NPM1: variants seen among roughly 807,000 people sequenced by gnomAD.
NPM1 encodes the protein nucleophosmin.
NPM1 carries 1 observed loss-of-function variant against 44.1 expected under a neutral mutation model. That is an observed-to-expected ratio of 0.02 (90% CI 0.01 to 0.11). The LOEUF (loss-of-function observed/expected upper bound fraction) is 0.11. Ranked by LOEUF, NPM1 falls within the 10% of genes least tolerant of loss-of-function variation. NPM1 has a pLI of 1.00. For synonymous variants in NPM1, 126 were observed against 111.8 expected (o/e 1.13, Z -0.80); for missense variants, 197 against 347.8 (o/e 0.57, Z 3.45).
chr5:171,393,084 C>T, intron 6 of NPM1, 106 bp downstream of exon 6: 2 of 1,400,632 alleles, frequency 1.4e-6, no homozygotes, highest in South Asian at 1.3e-5. Context: ...TTACAAAAAG[C>T]CATCCTATGT....
At position 171,404,233 on chromosome 5, in the gene NPM1, T is replaced by A. The variant is rs1313011611; in HGVS notation, c.670-1069T>A. ...TAGGGCGGCTGGCCGGGCGGGGGGT[T>A]GACCCCCCCCCACCTCCCTCCCGGA... On this transcript the variant is annotated intron_variant, in intron 8 of 10. Coordinates refer to ENST00000296930, the MANE Select transcript of NPM1 (RefSeq NM_002520.7). 1.9e-4 allele frequency among the ~76,000 whole-genome samples: 18 copies of A among 95,128 alleles called. 5 individuals carry two copies. The highest frequency in any genetic ancestry group is 4.3e-5 in the Non-Finnish European group (2 of 46,690). The allele number at this position is 95,128 out of a possible 152,430, so 62.4% of individuals were successfully genotyped here.
At chr5:171,408,245 A>G (rs902735534) in intron 10 of NPM1, among the ~76,000 whole-genome samples, 17 of 152,060 alleles carry the variant, frequency 1.1e-4, no homozygotes, top group African/African-American at 4.1e-4. Flanking sequence ...GGCTACTACC[A>G]GATACATAAG....
intron 8 of NPM1, among the ~76,000 whole-genome samples, chr5:171,402,952 C>CTTTTTTT (rs560900151): frequency 7.2e-4 from 66 of 91,624 alleles, no homozygotes; most frequent in East Asian, 1.5e-3. Context: ...TCAGGTAGTT[C>CTTTTTTT]TTTTTTTTTT....
intron 8 of NPM1, among the ~76,000 whole-genome samples, chr5:171,403,251 A>G (rs1247216143): frequency 3.3e-5 from 3 of 90,458 alleles, no homozygotes; most frequent in Non-Finnish European, 6.9e-5. Flanking sequence ...AACAAAGCAC[A>G]TCTTGCACCG....
intron 10 of NPM1, among the ~76,000 whole-genome samples, chr5:171,410,213 G>T (rs1487286895): frequency 9.5e-6 from 1 of 105,510 alleles, no homozygotes; most frequent in Non-Finnish European, 2.1e-5. Context: ...CTCTAAAGCT[G>T]ATCTCGGGAG....
At chr5:171,400,116 T>G in intron 6 of NPM1, 37 bp from the exon 7 acceptor site, 1 of 1,274,248 alleles carries the variant, frequency 7.8e-7, no homozygotes, top group Non-Finnish European at 1.1e-6. Context: ...ACTCCCAAAT[T>G]TTGAAAGTGC....
chr5:171,392,784 T>C lies in NPM1; in HGVS notation c.427T>C (p.Ser143Pro), dbSNP rs1177989112. ...VKLLSISGKR[S>P]APGGGSKVPQ... ...ACTCTTAAGTATATCTGGAAAGCGGTCTGCCCCTGGAGGTGGTAGCAAGGT... is the reference window on the plus strand; with the variant it reads ...ACTCTTAAGTATATCTGGAAAGCGGCCTGCCCCTGGAGGTGGTAGCAAGGT... The change falls in exon 5 of 11, where the codon TCT (serine) becomes CCT (proline). Residue 143 changes from serine (S) to proline (P), a missense_variant. By Grantham distance (74) the Ser-to-Pro change is moderately conservative. This residue lies in a region of NPM1 where 91 missense variants were observed against 94.0 expected (regional missense o/e 0.97). Transcript: ENST00000296930. 1.2e-6 allele frequency: 2 copies of C among 1,613,926 alleles called. No individual in the cohort carries two copies. Among genetic ancestry groups the C allele is most frequent in the East Asian group, 4.5e-5 (2 of 44,880 alleles).
intron 1 of NPM1, among the ~76,000 whole-genome samples, chr5:171,389,768 G>T (rs375126333): frequency 2.0e-5 from 3 of 152,184 alleles, no homozygotes; most frequent in African/African-American, 7.2e-5. Flanking sequence ...TTCAGGTTGA[G>T]ATTTACTAAA....
At chr5:171,399,686 T>TTTG (rs746337246) in intron 6 of NPM1, among the ~76,000 whole-genome samples, 153 of 152,050 alleles carry the variant, frequency 1.0e-3, no homozygotes, top group South Asian at 1.7e-3. Flanking sequence ...GTCTTTAATT[T>TTTG]TTTTTTTTAA....
At chr5:171,408,942 A>G (rs1213580160) in intron 10 of NPM1, among the ~76,000 whole-genome samples, 1 of 152,158 alleles carries the variant, frequency 6.6e-6, no homozygotes, top group Non-Finnish European at 1.5e-5. Flanking sequence ...TGTAGCTACA[A>G]AGTCTTGTAG....
intron 9 of NPM1, 120 bp downstream of exon 9, chr5:171,405,523 T>C (rs185671908): frequency 1.8e-4 from 117 of 649,414 alleles, no homozygotes; most frequent in Admixed American, 1.1e-3. Context: ...CTTGCCTGGT[T>C]CGTGGTATGA....
At chr5:171,387,674 G>T (rs1412835687), upstream of NPM1, 3 of 490,306 alleles carry the variant, frequency 6.1e-6, no homozygotes, top group Non-Finnish European at 1.1e-5. Context: ...GGGAGCCCGC[G>T]GAGTACCTGG....
rs1771120769 is a variant in NPM1, at chr5:171,400,209, A to C, written c.581A>C (p.Lys194Thr). The C allele has an allele frequency of 6.2e-7, 1 of 1,613,778 alleles. No homozygotes were observed. The highest frequency in any genetic ancestry group is 8.5e-7 in the Non-Finnish European group (1 of 1,179,812). Reference sequence around the variant, plus strand: ...GCTGAAGAAAAAGCGCCAGTGAAGAAAGTGAGTAGATACAATGCTACAAGG... The same window carrying C: ...GCTGAAGAAAAAGCGCCAGTGAAGACAGTGAGTAGATACAATGCTACAAGG... ...EEAEEKAPVK[K>T]SIRDTPAKNA... The change falls in exon 7 of 11, where the codon AAA becomes ACA. Residue 194 changes from lysine (K) to threonine (T), a missense_variant and splice_region_variant. This residue lies in a region of NPM1 where 91 missense variants were observed against 94.0 expected (regional missense o/e 0.97). Transcript: ENST00000296930.
chr5:171,393,636 G>T (rs541871212), intron 6 of NPM1, among the ~76,000 whole-genome samples: 1 of 152,204 alleles, frequency 6.6e-6, no homozygotes, highest in South Asian at 2.1e-4. Context: ...ACTTTGATTT[G>T]GCTCTCAGCT....
intron 6 of NPM1, among the ~76,000 whole-genome samples, chr5:171,397,311 C>G (rs1380132968): frequency 6.6e-6 from 1 of 152,162 alleles, no homozygotes; most frequent in African/African-American, 2.4e-5. Flanking sequence ...GTTGCTTCTA[C>G]TTGTTGACTG....
intron 6 of NPM1, among the ~76,000 whole-genome samples, chr5:171,395,049 C>A (rs2113198761): frequency 6.6e-6 from 1 of 152,144 alleles, no homozygotes; most frequent in Middle Eastern, 3.4e-3. Context: ...TATCGTGGTG[C>A]CTGCCTATTG....
At chr5:171,400,239 TAAAC>T (rs769589319) in intron 7 of NPM1, 29 bp downstream of exon 7, 1 of 1,612,954 alleles carries the variant, frequency 6.2e-7, no homozygotes, top group South Asian at 1.1e-5. Flanking sequence ...ACAAGGTTGT[TAAAC>T]TAACAATAGA....
chr5:171,392,650 CTTT>C, intron 4 of NPM1, 57 bp from the exon 5 acceptor site: 1 of 918,322 alleles, frequency 1.1e-6, no homozygotes, highest in South Asian at 1.7e-5. Context: ...TATCAGTGTT[CTTT>C]TTTTTTCTGA....
chr5:171,391,839 C>G lies in NPM1; in HGVS notation c.352+40C>G, dbSNP rs768212080. 9 of 1,271,870 alleles carry G rather than the reference C, an allele frequency of 7.1e-6. No individual in the cohort carries two copies. In the South Asian group the frequency reaches 1.1e-4, roughly 15 times the overall value. The allele number at this position is 1,271,870 out of a possible 1,614,324, so 78.8% of individuals were successfully genotyped here. ...TATATTATACTACTTAGTTTGTCCT[C>G]TTTAGTGCAGTTGCTTGGTTCCCAG... is the stretch of plus-strand genomic sequence containing the variant. On this transcript the variant is annotated intron_variant, in intron 4 of 10. Coordinates refer to ENST00000296930, the MANE Select transcript of NPM1 (RefSeq NM_002520.7).
Sources: gnomAD v4.1 joint callset for allele counts (sites outside exome capture counted in the v4.1 genomes callset) on GRCh38, gnomAD v4.1.1 for gene constraint, gnomAD v4.1.1 regional missense constraint, MANE v1.5 for transcripts, NCBI Gene and HGNC (gene_info 2026-07-23, HGNC 2026-07-21) for gene names.